NXPE2: variants seen among roughly 807,000 people sequenced by gnomAD.
NXPE2 encodes NXPE family member 2.
Under a neutral mutation model 34.4 loss-of-function variants are expected in NXPE2, and 34 were observed. That is an observed-to-expected ratio of 0.99 (90% CI 0.75 to 1.31). The LOEUF is 1.31. Among genes scored for constraint, NXPE2 ranks in the 40% most tolerant of loss-of-function variants. The pLI is 0.00. For missense variants in NXPE2, 649 were observed against 672.5 expected, an observed-to-expected ratio of 0.97 and a Z score of 0.39; for synonymous variants, 235 against 231.3, an observed-to-expected ratio of 1.02 and a Z score of -0.15.
At chr11:114,519,086 G>C in the NXPE2 span, among the ~76,000 whole-genome samples, 5 of 152,226 alleles carry the variant, frequency 3.3e-5, no homozygotes, top group South Asian at 1.0e-3. Context: ...GGCATAATGT[G>C]ACCAATTGAC....
the NXPE2 span, among the ~76,000 whole-genome samples, chr11:114,669,830 A>G: frequency 6.6e-6 from 1 of 152,212 alleles, no homozygotes; most frequent in South Asian, 2.1e-4. Flanking sequence ...GTTGTAGGCA[A>G]TTATGCCTAG....
the NXPE2 span, among the ~76,000 whole-genome samples, chr11:114,590,995 C>A: frequency 1.8e-4 from 27 of 152,148 alleles, no homozygotes; most frequent in Non-Finnish European, 3.8e-4. Flanking sequence ...AACTGGGGAA[C>A]CTGAACATGA....
At chr11:114,791,433 C>T in the NXPE2 span, among the ~76,000 whole-genome samples, 1 of 152,204 alleles carries the variant, frequency 6.6e-6, no homozygotes, top group Non-Finnish European at 1.5e-5. Flanking sequence ...ACAGTTGTCT[C>T]CTGGCCCCTT....
chr11:114,770,846 T>C, the NXPE2 span, among the ~76,000 whole-genome samples: 1 of 152,158 alleles, frequency 6.6e-6, no homozygotes, highest in African/African-American at 2.4e-5. Context: ...TGGAAAGAGA[T>C]TGATCTTTGG....
At chr11:114,492,602 G>T in the NXPE2 span, among the ~76,000 whole-genome samples, 2 of 150,924 alleles carry the variant, frequency 1.3e-5, no homozygotes, top group Admixed American at 1.3e-4. Flanking sequence ...GCAGTGGCAC[G>T]ATCTCGGCTC....
At chr11:114,583,161 T>A in the NXPE2 span, 2 of 917,210 alleles carry the variant, frequency 2.2e-6, no homozygotes, top group Admixed American at 2.4e-5. Context: ...TTGATTTACA[T>A]ACTATTATCA....
At chr11:114,622,351 C>G in the NXPE2 span, among the ~76,000 whole-genome samples, 7 of 152,060 alleles carry the variant, frequency 4.6e-5, no homozygotes, top group African/African-American at 1.7e-4. Context: ...AGTGTTGCCT[C>G]GTGGGTAACC....
chr11:114,635,454 A>T, the NXPE2 span, among the ~76,000 whole-genome samples: 1 of 151,614 alleles, frequency 6.6e-6, no homozygotes, highest in Non-Finnish European at 1.5e-5. Context: ...AATACCCTTT[A>T]TTTCCTTCTC....
the NXPE2 span, among the ~76,000 whole-genome samples, chr11:114,605,354 C>T: frequency 2.0e-5 from 3 of 151,810 alleles, no homozygotes; most frequent in Admixed American, 1.3e-4. Flanking sequence ...TGGGTGACCA[C>T]TGTTACCTGC....
At chr11:114,555,776 G>C in the NXPE2 span, among the ~76,000 whole-genome samples, 1 of 152,276 alleles carries the variant, frequency 6.6e-6, no homozygotes, top group South Asian at 2.1e-4. Context: ...ATGGAATAAT[G>C]TAGAATGTAC....
At chr11:114,565,901 T>TA in the NXPE2 span, among the ~76,000 whole-genome samples, 1 of 151,860 alleles carries the variant, frequency 6.6e-6, no homozygotes, top group African/African-American at 2.4e-5. Context: ...GCAATGGAGA[T>TA]AGAGAAGAGG....
the NXPE2 span, among the ~76,000 whole-genome samples, chr11:114,746,794 C>A: frequency 6.6e-6 from 1 of 150,952 alleles, no homozygotes; most frequent in African/African-American, 2.4e-5. Flanking sequence ...GAGGTTGCAG[C>A]GAGCCAAGAT....
At chr11:114,637,014 T>C in the NXPE2 span, among the ~76,000 whole-genome samples, 2 of 152,154 alleles carry the variant, frequency 1.3e-5, no homozygotes, top group Admixed American at 1.3e-4. Flanking sequence ...TTCCTGGGTA[T>C]CGTTGTTGAC....
chr11:114,657,357 T>C, the NXPE2 span, among the ~76,000 whole-genome samples: 1 of 152,208 alleles, frequency 6.6e-6, no homozygotes, highest in African/African-American at 2.4e-5. Flanking sequence ...TACATCTTTA[T>C]TTTTCACTAA....
intron 2 of NXPE2, among the ~76,000 whole-genome samples, chr11:114,683,309 T>C (rs1179520659): frequency 1.3e-5 from 2 of 152,202 alleles, no homozygotes; most frequent in African/African-American, 4.8e-5. Flanking sequence ...TTGTTTGAAT[T>C]ATTTTTTGTA....
chr11:114,481,517 AT>A, the NXPE2 span, among the ~76,000 whole-genome samples: 1 of 152,182 alleles, frequency 6.6e-6, no homozygotes. Flanking sequence ...AGGAAGTGAA[AT>A]TTTAAAAATA....
the NXPE2 span, among the ~76,000 whole-genome samples, chr11:114,587,356 C>T: frequency 4.6e-5 from 7 of 152,236 alleles, no homozygotes; most frequent in South Asian, 2.1e-4. Context: ...AGAGCCACTG[C>T]CTAAGAATAA....
At chr11:114,769,248 A>G in the NXPE2 span, among the ~76,000 whole-genome samples, 1 of 152,228 alleles carries the variant, frequency 6.6e-6, no homozygotes, top group Non-Finnish European at 1.5e-5. Flanking sequence ...ATGCAAATCA[A>G]AACCACAATG....
intron 2 of NXPE2, among the ~76,000 whole-genome samples, chr11:114,685,656 GTGTT>G (rs563333032): frequency 6.6e-6 from 1 of 152,148 alleles, no homozygotes; most frequent in Non-Finnish European, 1.5e-5. Context: ...ATGTGTGTGT[GTGTT>G]TAACAGGTTA....
Sources: gnomAD v4.1 joint callset for allele counts (sites outside exome capture counted in the v4.1 genomes callset) on GRCh38, gnomAD v4.1.1 for gene constraint, MANE v1.5 for transcripts, NCBI Gene and HGNC (gene_info 2026-07-23, HGNC 2026-07-21) for gene names.